LONP1: variants seen among roughly 807,000 people sequenced by gnomAD.
LONP1 encodes the protein lon protease homolog, mitochondrial.
LONP1 carries 31 observed loss-of-function variants against 98.5 expected under a neutral mutation model. The ratio of observed to expected loss-of-function variants is 0.31; its 90% CI spans 0.24 to 0.42. The LOEUF is 0.42. Ranked by LOEUF, LONP1 falls within the 20% of genes least tolerant of loss-of-function variation. The pLI is 1.00. For missense variants in LONP1, 1,336 were observed against 1,350.6 expected (o/e 0.99, Z 0.17); for synonymous variants, 781 against 594.7 (o/e 1.31, Z -4.56).
intron 7 of LONP1, 65 bp from the exon 8 acceptor site, chr19:5,706,057 A>G: frequency 1.9e-6 from 2 of 1,068,138 alleles, no homozygotes; most frequent in Non-Finnish European, 2.9e-6. Context: ...GTGCGTCCCC[A>G]GACGAAGGGG....
chr19:5,715,381 C>T (rs1306601134), intron 1 of LONP1, among the ~76,000 whole-genome samples: 8 of 149,888 alleles, frequency 5.3e-5, no homozygotes, highest in Non-Finnish European at 1.0e-4. Context: ...CGGTGGCTCA[C>T]GCCTGTAATC....
At chr19:5,698,568 G>C (rs1442117478) in intron 10 of LONP1, among the ~76,000 whole-genome samples, 2 of 152,190 alleles carry the variant, frequency 1.3e-5, no homozygotes, top group African/African-American at 4.8e-5. Context: ...GGTTTCTCTG[G>C]TGTGCGCGGC....
At chr19:5,719,540 G>A (rs1482721717) in intron 1 of LONP1, among the ~76,000 whole-genome samples, 164 bp downstream of exon 1, 2 of 152,208 alleles carry the variant, frequency 1.3e-5, no homozygotes, top group South Asian at 2.1e-4. Context: ...TTTGGCTCAA[G>A]GTTCCCAAGC....
intron 8 of LONP1, 117 bp downstream of exon 8, chr19:5,705,655 G>T: frequency 1.3e-6 from 1 of 780,706 alleles, no homozygotes; most frequent in Non-Finnish European, 2.1e-6. Flanking sequence ...CTCCCAGCCC[G>T]CACCTGCCAC....
chr19:5,695,518 C>G (rs978632352), intron 13 of LONP1, among the ~76,000 whole-genome samples: 3 of 152,192 alleles, frequency 2.0e-5, no homozygotes, highest in African/African-American at 4.8e-5. Context: ...GCATTGAAGC[C>G]CCCAGGGGAC....
chr19:5,702,364 G>A (rs1392783301), intron 8 of LONP1, among the ~76,000 whole-genome samples: 1 of 147,498 alleles, frequency 6.8e-6, no homozygotes, highest in East Asian at 2.0e-4. Flanking sequence ...GGGGGGGTCA[G>A]CCCCCCGCCC....
chr19:5,694,601 T>TGTGACGGGC, intron 14 of LONP1, 49 bp from the exon 15 acceptor site: 1 of 1,478,256 alleles, frequency 6.8e-7, no homozygotes, highest in Non-Finnish European at 9.2e-7. Flanking sequence ...GGGTGACAGG[T>TGTGACGGGC]GCGGGGTGGT....
rs746513327 is a variant in LONP1 at position 5,693,776 on chromosome 19, C to T, written c.2321-7G>A. The T allele has an allele frequency of 5.0e-6, 8 of 1,612,270 alleles. No homozygotes were observed. The highest frequency in any genetic ancestry group is 6.8e-6 in the Non-Finnish European group (8 of 1,179,436). On this transcript the variant is annotated splice_polypyrimidine_tract_variant and splice_region_variant and intron_variant, in intron 15 of 17. Coordinates refer to ENST00000360614, the MANE Select transcript of LONP1 (RefSeq NM_004793.4). Reference sequence around the variant, plus strand: ...ACAAACAGCGTGGAGCCTCCTGAAACAGGTGTGGAGCTGTGAACACGGGAG... The same window carrying T: ...ACAAACAGCGTGGAGCCTCCTGAAATAGGTGTGGAGCTGTGAACACGGGAG...
At chr19:5,714,778 C>T (rs193119953) in intron 1 of LONP1, 33 of 151,946 alleles carry the variant, frequency 2.2e-4, no homozygotes, top group African/African-American at 7.3e-4. Flanking sequence ...CCACCAGGTC[C>T]GGCTGATTGT....
chr19:5,692,437 C>T (rs1181109828), intron 17 of LONP1, among the ~76,000 whole-genome samples: 4 of 152,118 alleles, frequency 2.6e-5, no homozygotes, highest in Non-Finnish European at 4.4e-5. Flanking sequence ...CCAGGGCCTC[C>T]CCACCCCCTT....
chr19:5,701,827 G>GCGA (rs2055050315), intron 8 of LONP1, among the ~76,000 whole-genome samples: 1 of 150,380 alleles, frequency 6.6e-6, no homozygotes, highest in Non-Finnish European at 1.5e-5. Context: ...CTGCCTGGCT[G>GCGA]CCCAGTCTGG....
intron 17 of LONP1, among the ~76,000 whole-genome samples, chr19:5,692,940 G>A (rs1196501861): frequency 6.6e-6 from 1 of 152,042 alleles, no homozygotes; most frequent in Non-Finnish European, 1.5e-5. Context: ...AGCACCCTTG[G>A]AAGAGGCCAG....
At chr19:5,700,181 T>A (rs1167119485) in intron 9 of LONP1, among the ~76,000 whole-genome samples, 3 of 152,138 alleles carry the variant, frequency 2.0e-5, no homozygotes, top group Non-Finnish European at 4.4e-5. Context: ...TGGCACGATC[T>A]GGGCTCACTG....
Position 5,713,382 on chromosome 19 carries a change from C to G in LONP1, c.519-129G>C, listed in dbSNP as rs1005186293. 6.1e-6 allele frequency: 7 copies of G among 1,156,320 alleles called. No individual in the cohort carries two copies. In the African/African-American group the frequency reaches 9.1e-5, roughly 15 times the overall value. 71.6% of individuals were successfully genotyped at this position (1,156,320 alleles called of 1,614,324 possible). A position where few individuals can be genotyped will look rare whatever the true frequency, so the allele number is the denominator to read the frequency against. On this transcript the variant is annotated intron_variant, in intron 2 of 17. Coordinates refer to ENST00000360614, the MANE Select transcript of LONP1 (RefSeq NM_004793.4). ...AATGCTACTGAAAACCAAGAGCGGC[C>G]TCCTTGGCTCCCGCAGGAGCTCCAG...
intron 12 of LONP1, 39 bp from the exon 13 acceptor site, chr19:5,696,209 A>G (rs747230896): frequency 5.0e-5 from 81 of 1,612,232 alleles, no homozygotes; most frequent in Non-Finnish European, 6.0e-5. Flanking sequence ...CTGGCCGCTT[A>G]CCCTCCCCAG....
intron 2 of LONP1, among the ~76,000 whole-genome samples, chr19:5,713,528 A>G (rs979387960): frequency 6.6e-6 from 1 of 152,128 alleles, no homozygotes; most frequent in Non-Finnish European, 1.5e-5. Flanking sequence ...AGTCTCTTCT[A>G]TGCTATCACA....
upstream of LONP1, chr19:5,720,228 G>A: frequency 7.3e-7 from 1 of 1,378,080 alleles, no homozygotes; most frequent in Non-Finnish European, 9.3e-7. Flanking sequence ...CCCGATGGGC[G>A]CGTGGCTCGA....
At chr19:5,711,681 G>T in intron 4 of LONP1, 90 bp downstream of exon 4, 1 of 1,050,714 alleles carries the variant, frequency 9.5e-7, no homozygotes, top group Non-Finnish European at 1.4e-6. Flanking sequence ...CTCAGGGTGG[G>T]AGATGACTCT....
intron 8 of LONP1, among the ~76,000 whole-genome samples, chr19:5,703,203 T>G (rs935355657): frequency 2.0e-5 from 3 of 148,848 alleles, no homozygotes; most frequent in African/African-American, 7.5e-5. Flanking sequence ...AAAAAAAAAT[T>G]TACAAACTGC....
Sources: allele counts gnomAD v4.1 joint callset (sites outside exome capture counted in the v4.1 genomes callset), GRCh38; gene constraint gnomAD v4.1.1; transcripts MANE v1.5; gene names NCBI Gene and HGNC (gene_info 2026-07-23, HGNC 2026-07-21).